The following TMEM117 variants were observed in gnomAD, a reference collection of about 807,000 sequenced individuals.
TMEM117 encodes the protein transmembrane protein 117.
Under a neutral mutation model 52.4 loss-of-function variants are expected in TMEM117, and 27 were observed. The ratio of observed to expected loss-of-function variants is 0.51; its 90% CI spans 0.38 to 0.71. TMEM117 has a LOEUF of 0.71. Among genes scored for constraint, TMEM117 ranks in the 30% least tolerant of loss-of-function variants. The pLI is 0.00. For missense variants in TMEM117, 556 were observed against 630.5 expected, an observed-to-expected ratio of 0.88 and a Z score of 1.26; for synonymous variants, 215 against 206.3, an observed-to-expected ratio of 1.04 and a Z score of -0.36.
chr12:44,273,410 G>A (rs1950473865), intron 5 of TMEM117, among the ~76,000 whole-genome samples: 1 of 151,092 alleles, frequency 6.6e-6, no homozygotes, highest in African/African-American at 2.4e-5. Context: ...AATACCAATA[G>A]TACTCAAATT....
At position 44,114,827 on chromosome 12, in the gene TMEM117, A is replaced by G. The variant is rs994918673; in HGVS notation, c.411-28698A>G. Among the ~76,000 whole-genome samples, 3 of 152,208 alleles carry G rather than the reference A, an allele frequency of 2.0e-5. No homozygotes were observed. The South Asian group carries it at 6.2e-4, about 32-fold the overall frequency. On this transcript the variant is annotated intron_variant, in intron 3 of 7. Coordinates refer to ENST00000266534, the MANE Select transcript of TMEM117 (RefSeq NM_032256.3). ...AATAGAACAAACATTACTGTTTCCT[A>G]TAAAAATGCTACTACTTCCACATTT...
intron 3 of TMEM117, among the ~76,000 whole-genome samples, chr12:43,971,095 C>CT (rs1389295125): frequency 1.3e-5 from 2 of 151,986 alleles, no homozygotes; most frequent in East Asian, 3.9e-4. Context: ...GTTGTTCATT[C>CT]TTTTTTTTCT....
At chr12:44,271,125 T>A (rs1420553898) in intron 5 of TMEM117, among the ~76,000 whole-genome samples, 1 of 151,900 alleles carries the variant, frequency 6.6e-6, no homozygotes, top group African/African-American at 2.4e-5. Flanking sequence ...TGGTCTGTAG[T>A]TTTGTTTTTT....
chr12:44,351,176 A>G (rs1371989321), intron 6 of TMEM117, among the ~76,000 whole-genome samples: 2 of 151,974 alleles, frequency 1.3e-5, no homozygotes, highest in Non-Finnish European at 2.9e-5. Flanking sequence ...ATGTCTATAC[A>G]AATCTTTTGT....
At chr12:44,153,385 T>C (rs1948782723) in intron 4 of TMEM117, among the ~76,000 whole-genome samples, 1 of 152,098 alleles carries the variant, frequency 6.6e-6, no homozygotes, top group Non-Finnish European at 1.5e-5. Flanking sequence ...CAATGTGGCA[T>C]ATAGACATAG....
At chr12:44,317,869 C>T (rs1308887857) in intron 6 of TMEM117, among the ~76,000 whole-genome samples, 1 of 152,172 alleles carries the variant, frequency 6.6e-6, no homozygotes, top group Non-Finnish European at 1.5e-5. Context: ...CCCTACTCAC[C>T]ACCACATGAG....
In TMEM117 at chr12:44,192,631, A is replaced by C. The variant is rs372355131; in HGVS notation, c.511-18659A>C. ...AATAAATAAAATGTTTTTACAAAAA[A>C]TCTGAAAATATAAAATAATTAGTTT... On this transcript the variant is annotated intron_variant, in intron 4 of 7. Transcript: ENST00000266534. Among the ~76,000 whole-genome samples, 9 of 152,284 alleles carry C rather than the reference A, an allele frequency of 5.9e-5. No individual in the cohort carries two copies. The East Asian group carries it at 1.2e-3, about 20-fold the overall frequency.
At chr12:44,017,864 T>C (rs573751089) in intron 3 of TMEM117, among the ~76,000 whole-genome samples, 1 of 152,342 alleles carries the variant, frequency 6.6e-6, no homozygotes, top group Non-Finnish European at 1.5e-5. Flanking sequence ...AGAAAAAACC[T>C]CTAATGCATC....
At chr12:43,867,322 T>G (rs1371390473) in intron 2 of TMEM117, among the ~76,000 whole-genome samples, 2 of 151,964 alleles carry the variant, frequency 1.3e-5, no homozygotes, top group Non-Finnish European at 2.9e-5. Context: ...GAACAATCAG[T>G]GAAAAATATA....
intron 5 of TMEM117, among the ~76,000 whole-genome samples, chr12:44,225,477 T>TC (rs1418238441): frequency 6.6e-6 from 1 of 152,186 alleles, no homozygotes; most frequent in Non-Finnish European, 1.5e-5. Context: ...TATGTTTTTT[T>TC]CTCTATGAAT....
intron 3 of TMEM117, among the ~76,000 whole-genome samples, chr12:43,966,086 T>A (rs1452535169): frequency 6.6e-6 from 1 of 152,194 alleles, no homozygotes; most frequent in Non-Finnish European, 1.5e-5. Context: ...GTGATCTCAT[T>A]CTTTTTTATG....
intron 3 of TMEM117, among the ~76,000 whole-genome samples, chr12:44,039,982 T>G (rs898414138): frequency 1.3e-5 from 2 of 152,174 alleles, no homozygotes; most frequent in African/African-American, 4.8e-5. Flanking sequence ...GATAGATTTG[T>G]TCTTTGGTTT....
chr12:43,893,400 C>G (rs1045641866), intron 2 of TMEM117, among the ~76,000 whole-genome samples: 5 of 152,180 alleles, frequency 3.3e-5, no homozygotes, highest in Non-Finnish European at 7.3e-5. Context: ...ACTTAAATCA[C>G]TCAGTTGGCT....
chr12:44,091,204 G>T (rs1249629793), intron 3 of TMEM117, among the ~76,000 whole-genome samples: 5 of 152,140 alleles, frequency 3.3e-5, no homozygotes, highest in Non-Finnish European at 7.3e-5. Flanking sequence ...GACCTCAGGA[G>T]ACTTATTTGC....
At chr12:44,242,130 CT>C (rs111532606) in intron 5 of TMEM117, among the ~76,000 whole-genome samples, 31,141 of 144,562 alleles carry the variant, frequency 0.22, 6,944 homozygotes, top group African/African-American at 0.57. Context: ...GATAATTTGT[CT>C]TTTTTTTTTT....
chr12:44,372,561 TC>T (rs200276393), intron 6 of TMEM117, among the ~76,000 whole-genome samples: 5,577 of 150,134 alleles, frequency 0.037, 131 homozygotes, highest in Non-Finnish European at 0.052. Flanking sequence ...CTTGTTTACA[TC>T]CGGATAGTAT....
At chr12:43,817,523 T>G in the TMEM117 span, among the ~76,000 whole-genome samples, 1 of 152,198 alleles carries the variant, frequency 6.6e-6, no homozygotes, top group African/African-American at 2.4e-5. Flanking sequence ...AAGAAACTCT[T>G]CCATTACTGA....
intron 5 of TMEM117, among the ~76,000 whole-genome samples, chr12:44,220,350 C>A (rs1275128686): frequency 1.3e-5 from 2 of 152,050 alleles, no homozygotes; most frequent in Non-Finnish European, 2.9e-5. Flanking sequence ...GGGTTGGGGA[C>A]AAACTATAAT....
At chr12:44,006,466 C>T (rs1400905915) in intron 3 of TMEM117, among the ~76,000 whole-genome samples, 1 of 152,058 alleles carries the variant, frequency 6.6e-6, no homozygotes, top group Non-Finnish European at 1.5e-5. Context: ...AGTAAAATTC[C>T]CTGAGGCCTG....
Sources: allele counts gnomAD v4.1 joint callset (sites outside exome capture counted in the v4.1 genomes callset), GRCh38; gene constraint gnomAD v4.1.1; transcripts MANE v1.5; gene names NCBI Gene and HGNC (gene_info 2026-07-23, HGNC 2026-07-21).